RANBP17: variants seen among roughly 807,000 people sequenced by gnomAD.
RANBP17 encodes ran-binding protein 17.
A neutral mutation model predicts 141.2 loss-of-function variants in RANBP17; 158 were observed. That is an observed-to-expected ratio of 1.12 (90% CI 0.98 to 1.28). The LOEUF is 1.28. RANBP17 is among the 50% of genes most tolerant of loss of function. The pLI is 0.00. For synonymous variants in RANBP17, 430 were observed against 450.0 expected, an observed-to-expected ratio of 0.96 and a Z score of 0.56; for missense variants, 1,438 against 1,290.7, an observed-to-expected ratio of 1.11 and a Z score of -1.75.
intron 14 of RANBP17, among the ~76,000 whole-genome samples, chr5:171,162,817 G>T (rs1040450715): frequency 6.6e-6 from 1 of 152,126 alleles, no homozygotes; most frequent in Non-Finnish European, 1.5e-5. Flanking sequence ...CTGCACCCCA[G>T]CCTGCTGAGT....
In RANBP17 at chr5:171,212,927, G is replaced by A. The variant is rs1762993048; in HGVS notation, c.2232-704G>A. 2.6e-5 allele frequency among the ~76,000 whole-genome samples: 4 copies of A among 152,122 alleles called. No homozygotes were observed. In the South Asian group the frequency reaches 8.3e-4, roughly 31 times the overall value. On this transcript the variant is annotated intron_variant, in intron 20 of 27. Transcript: ENST00000523189. Reference sequence around the variant, plus strand: ...GGCCTTCAGCATAGATTTATCAGAGGCATATACTCCTTAGCATTAATAAGG... The same window carrying A: ...GGCCTTCAGCATAGATTTATCAGAGACATATACTCCTTAGCATTAATAAGG...
At chr5:171,240,679 T>C (rs561130163) in intron 22 of RANBP17, among the ~76,000 whole-genome samples, 5 of 152,310 alleles carry the variant, frequency 3.3e-5, no homozygotes, top group Middle Eastern at 6.8e-3. Context: ...ATCTGTGTAA[T>C]CACCATGCAG....
At chr5:170,862,164 G>C (rs1414088382) in intron 1 of RANBP17, 113 bp downstream of exon 1, 1 of 1,150,484 alleles carries the variant, frequency 8.7e-7, no homozygotes. Context: ...CCGTGGGCCG[G>C]TGTCCCCGGA....
chr5:171,258,117 ATACACACACACAC>A (rs1279316347), intron 24 of RANBP17, among the ~76,000 whole-genome samples: 1 of 90,294 alleles, frequency 1.1e-5, no homozygotes, highest in Non-Finnish European at 2.2e-5. Flanking sequence ...AAAAAAAAAA[ATACACACACACAC>A]ACACACACAC....
intron 14 of RANBP17, among the ~76,000 whole-genome samples, chr5:170,997,249 C>G (rs1178064237): frequency 6.6e-6 from 1 of 152,194 alleles, no homozygotes; most frequent in African/African-American, 2.4e-5. Context: ...GTCAATTAAA[C>G]CTCTCTCCTT....
intron 14 of RANBP17, among the ~76,000 whole-genome samples, chr5:170,974,297 T>A (rs1323255294): frequency 1.3e-5 from 2 of 152,186 alleles, no homozygotes; most frequent in Non-Finnish European, 2.9e-5. Flanking sequence ...TCCTTGCCAT[T>A]CCACAAGGGA....
chr5:170,931,939 T>C (rs1174837387), intron 12 of RANBP17, among the ~76,000 whole-genome samples: 1 of 152,170 alleles, frequency 6.6e-6, no homozygotes, highest in Non-Finnish European at 1.5e-5. Flanking sequence ...TCCTATTCTG[T>C]GAAGAAAGTC....
At chr5:170,974,568 C>T (rs957092394) in intron 14 of RANBP17, among the ~76,000 whole-genome samples, 5 of 152,066 alleles carry the variant, frequency 3.3e-5, no homozygotes, top group African/African-American at 1.2e-4. Context: ...ATGACTCTGC[C>T]CCCATGACTC....
At chr5:171,268,165 C>G (rs944423772) in intron 25 of RANBP17, among the ~76,000 whole-genome samples, 1 of 152,158 alleles carries the variant, frequency 6.6e-6, no homozygotes, top group South Asian at 2.1e-4. Flanking sequence ...TAATTTCTCT[C>G]CTTACAAAAT....
chr5:170,909,443 T>G (rs545416690), intron 5 of RANBP17, among the ~76,000 whole-genome samples: 7 of 151,880 alleles, frequency 4.6e-5, no homozygotes, highest in Non-Finnish European at 7.4e-5. Flanking sequence ...TATTTTTATT[T>G]TATAATCTGT....
At chr5:170,970,759 C>T (rs902979347) in intron 14 of RANBP17, 2 of 152,058 alleles carry the variant, frequency 1.3e-5, no homozygotes, top group Non-Finnish European at 2.9e-5. Flanking sequence ...ATCAGAGACC[C>T]CATCCTTTAG....
At position 171,261,505 on chromosome 5, in the gene RANBP17, A is replaced by G. The variant is rs1051363221; in HGVS notation, c.2777-4176A>G. The stretch of plus-strand genomic sequence containing the variant: ...TTCAGCCTCATTCTTCCTGATTCTC[A>G]GTTAAGCAATTCTTTCCTATACAGT... On this transcript the variant is annotated intron_variant, in intron 24 of 27. Transcript: ENST00000523189. Among the ~76,000 whole-genome samples, 9 of 152,206 alleles carry G rather than the reference A, an allele frequency of 5.9e-5. No homozygotes were observed. The South Asian group carries it at 6.2e-4, about 10-fold the overall frequency.
rs138952000 is a variant in RANBP17 at position 171,227,327 on chromosome 5, C to T, written c.2422+5487C>T. On this transcript the variant is annotated intron_variant, in intron 22 of 27. Coordinates refer to ENST00000523189, the MANE Select transcript of RANBP17 (RefSeq NM_022897.5). ...AAAAGTGAAACAACCTTATTGCTGACATGGAGAAGGTTTTAGTAGTCTGAG... is the reference window on the plus strand; with the variant it reads ...AAAAGTGAAACAACCTTATTGCTGATATGGAGAAGGTTTTAGTAGTCTGAG... 5.9e-3 allele frequency among the ~76,000 whole-genome samples: 895 copies of T among 152,346 alleles called. 11 individuals are homozygous for T. The highest frequency in any genetic ancestry group is 0.017 in the Middle Eastern group (5 of 294).
At chr5:171,277,938 C>CCTTTTTTTTTTTTTTTTTTT (rs1554127986) in intron 25 of RANBP17, among the ~76,000 whole-genome samples, 1 of 72,266 alleles carries the variant, frequency 1.4e-5, no homozygotes, top group Non-Finnish European at 2.3e-5. Context: ...GGACTTCTTT[C>CCTTTTTTTTTTTTTTTTTTT]TTTTTTTTTT....
At chr5:171,020,679 A>C (rs2127601793) in intron 14 of RANBP17, among the ~76,000 whole-genome samples, 1 of 151,220 alleles carries the variant, frequency 6.6e-6, no homozygotes, top group East Asian at 2.0e-4. Flanking sequence ...TTTGCATGTG[A>C]GACGGGTCTC....
At chr5:170,933,492 T>G (rs1278438370) in intron 12 of RANBP17, among the ~76,000 whole-genome samples, 2 of 152,204 alleles carry the variant, frequency 1.3e-5, no homozygotes, top group African/African-American at 4.8e-5. Context: ...TCTAGTTCTT[T>G]TAATTGTGAT....
intron 14 of RANBP17, among the ~76,000 whole-genome samples, chr5:171,041,304 G>T (rs1212813390): frequency 6.6e-6 from 1 of 151,946 alleles, no homozygotes; most frequent in Non-Finnish European, 1.5e-5. Flanking sequence ...TTTATATTGT[G>T]ATTCCTCATT....
At chr5:171,272,896 A>G (rs979166112) in intron 25 of RANBP17, among the ~76,000 whole-genome samples, 1 of 152,064 alleles carries the variant, frequency 6.6e-6, no homozygotes, top group Non-Finnish European at 1.5e-5. Context: ...ACCAAGACAG[A>G]CCTAACCAAG....
intron 14 of RANBP17, among the ~76,000 whole-genome samples, chr5:171,141,377 A>G (rs1757680189): frequency 6.6e-6 from 1 of 151,672 alleles, no homozygotes; most frequent in East Asian, 1.9e-4. Flanking sequence ...TGGGCGGATC[A>G]CAAGGTCAGG....
Sources: allele counts gnomAD v4.1 joint callset (sites outside exome capture counted in the v4.1 genomes callset), GRCh38; gene constraint gnomAD v4.1.1; transcripts MANE v1.5; gene names NCBI Gene and HGNC (gene_info 2026-07-23, HGNC 2026-07-21).